The following JPH1 variants were observed in gnomAD, a reference collection of about 807,000 sequenced individuals.
The protein encoded by JPH1 is junctophilin-1.
JPH1 carries 12 observed loss-of-function variants against 53.6 expected under a neutral mutation model. The observed-to-expected ratio is 0.22, with a 90% CI of 0.14 to 0.36. JPH1 has a LOEUF of 0.36. Among genes scored for constraint, JPH1 ranks in the 10% least tolerant of loss-of-function variants. The pLI, the probability that JPH1 is intolerant of heterozygous loss-of-function variation, is 1.00. For synonymous variants in JPH1, 375 were observed against 363.8 expected, an observed-to-expected ratio of 1.03 and a Z score of -0.35; for missense variants, 808 against 905.5, an observed-to-expected ratio of 0.89 and a Z score of 1.38.
intron 2 of JPH1, among the ~76,000 whole-genome samples, chr8:74,285,252 T>TAC (rs1807129312): frequency 6.6e-6 from 1 of 152,110 alleles, no homozygotes; most frequent in South Asian, 2.1e-4. Flanking sequence ...CATACACACA[T>TAC]ACACACACAT....
At chr8:74,268,313 A>G (rs575266213) in intron 2 of JPH1, among the ~76,000 whole-genome samples, 2 of 152,296 alleles carry the variant, frequency 1.3e-5, no homozygotes, top group Admixed American at 6.5e-5. Flanking sequence ...ATAAGAATCT[A>G]TATGATTCTG....
chr8:74,280,045 A>G (rs2131418033), intron 2 of JPH1, among the ~76,000 whole-genome samples: 1 of 152,316 alleles, frequency 6.6e-6, no homozygotes, highest in Non-Finnish European at 1.5e-5. Flanking sequence ...GGAGAGGCAA[A>G]TATACCTTCT....
At chr8:74,308,926 T>C (rs964300055) in intron 2 of JPH1, among the ~76,000 whole-genome samples, 2 of 152,228 alleles carry the variant, frequency 1.3e-5, no homozygotes, top group African/African-American at 2.4e-5. Context: ...AAATGCAATA[T>C]ATCCTTTTTT....
At position 74,321,315 on chromosome 8, in the gene JPH1, G is replaced by A. The variant is rs779312179; in HGVS notation, c.-28C>T. ...GGGGGGCAGCCCCGGCGCGCTCCCCGCAGGGGCACGGACGCGGGCAGTGCT... is the reference window on the plus strand; with the variant it reads ...GGGGGGCAGCCCCGGCGCGCTCCCCACAGGGGCACGGACGCGGGCAGTGCT... On this transcript the variant is annotated 5_prime_UTR_variant, in exon 1 of 6. Transcript: ENST00000342232. This position sits in a 1 kb window ranked among gnomAD's most constrained non-coding sequence, Gnocchi z 4.3. 1.3e-6 allele frequency: 2 copies of A among 1,508,432 alleles called. No individual in the cohort carries two copies. Among genetic ancestry groups the A allele is most frequent in the Admixed American group, 2.1e-5 (1 of 47,662 alleles). 93.4% of individuals were successfully genotyped at this position (1,508,432 alleles called of 1,614,324 possible).
intron 4 of JPH1, 126 bp downstream of exon 4, chr8:74,244,403 A>C (rs1418877581): frequency 1.1e-5 from 12 of 1,045,736 alleles, no homozygotes; most frequent in African/African-American, 1.6e-5. Flanking sequence ...GTGCTGCTCT[A>C]AACAACCCTG....
At chr8:74,240,096 C>T (rs941513077) in intron 4 of JPH1, among the ~76,000 whole-genome samples, 1 of 152,058 alleles carries the variant, frequency 6.6e-6, no homozygotes, top group African/African-American at 2.4e-5. Context: ...CTCAGCCTCC[C>T]GAGTAGCTGG....
intron 3 of JPH1, among the ~76,000 whole-genome samples, chr8:74,250,212 C>A (rs1440302400): frequency 6.6e-6 from 1 of 151,410 alleles, no homozygotes; most frequent in African/African-American, 2.4e-5. Flanking sequence ...TGGCTCACTG[C>A]AACCTCTGCC....
intron 2 of JPH1, among the ~76,000 whole-genome samples, chr8:74,311,496 T>A (rs1263661240): frequency 6.6e-6 from 1 of 151,162 alleles, no homozygotes; most frequent in Non-Finnish European, 1.5e-5. Flanking sequence ...GAATCTTTTC[T>A]TATTTTTAAG....
intron 2 of JPH1, among the ~76,000 whole-genome samples, chr8:74,275,116 AG>A (rs1338362038): frequency 6.6e-6 from 1 of 152,200 alleles, no homozygotes; most frequent in Non-Finnish European, 1.5e-5. Flanking sequence ...TGGAATAAGC[AG>A]GAAAACCATC....
chr8:74,238,546 T>C (rs1037618875), intron 4 of JPH1, among the ~76,000 whole-genome samples: 1 of 152,232 alleles, frequency 6.6e-6, no homozygotes, highest in Non-Finnish European at 1.5e-5. Flanking sequence ...GGCCTTGTCT[T>C]ATTCACTGCT....
rs771640583 is a variant in JPH1, at chr8:74,245,206, A to G, written c.1259-31T>C. 1.9e-4 allele frequency: 285 copies of G among 1,535,788 alleles called. 1 individual carries two copies. Among genetic ancestry groups the G allele is most frequent in the Non-Finnish European group, 2.3e-4 (269 of 1,150,254 alleles). On this transcript the variant is annotated intron_variant, in intron 3 of 5. Coordinates refer to ENST00000342232, the MANE Select transcript of JPH1 (RefSeq NM_020647.4). ...CAAAAAAAAAAGAAAAAAGAAAAAAAGAAAGGAGGTATATATACATATATT... is the reference window on the plus strand; with the variant it reads ...CAAAAAAAAAAGAAAAAAGAAAAAAGGAAAGGAGGTATATATACATATATT...
chr8:74,303,735 C>T (rs1807750459), intron 2 of JPH1, among the ~76,000 whole-genome samples: 1 of 152,108 alleles, frequency 6.6e-6, no homozygotes, highest in African/African-American at 2.4e-5. Context: ...AGACGTGAGC[C>T]ACTGTGCCCA....
chr8:74,254,938 A>T (rs1406807648), intron 3 of JPH1, among the ~76,000 whole-genome samples: 2 of 152,202 alleles, frequency 1.3e-5, no homozygotes, highest in African/African-American at 4.8e-5. Context: ...ATGGGTAGGA[A>T]GAATCAATAT....
At chr8:74,254,384 G>C (rs187988245) in intron 3 of JPH1, among the ~76,000 whole-genome samples, 4 of 152,172 alleles carry the variant, frequency 2.6e-5, no homozygotes, top group Admixed American at 2.6e-4. Context: ...GGTATTGATG[G>C]GATGTATCTC....
intron 5 of JPH1, 85 bp downstream of exon 5, chr8:74,237,123 C>A: frequency 1.2e-6 from 1 of 853,896 alleles, no homozygotes; most frequent in East Asian, 2.5e-5. Context: ...GACAATACGT[C>A]ATTGTTAAAA....
rs554888599 is a variant in JPH1 at position 74,235,465 on chromosome 8, T to G, written c.*1586A>C. ...GCTAACCAGGGAATTGTGTGAACTG[T>G]CTCTTCTCCATTGAAAAGGTAGCTA... On this transcript the variant is annotated 3_prime_UTR_variant, in exon 6 of 6. Transcript: ENST00000342232. 4.6e-5 allele frequency: 7 copies of G among 151,506 alleles called. No homozygotes were observed. The highest frequency in any genetic ancestry group is 1.7e-4 in the African/African-American group (7 of 41,024). 9.4% of individuals were successfully genotyped at this position (151,506 alleles called of 1,614,324 possible).
intron 3 of JPH1, among the ~76,000 whole-genome samples, chr8:74,248,724 C>T (rs913435219): frequency 4.6e-5 from 7 of 152,178 alleles, no homozygotes; most frequent in African/African-American, 1.4e-4. Context: ...TAATATAATG[C>T]AGAAGACAGA....
intron 3 of JPH1, among the ~76,000 whole-genome samples, chr8:74,247,999 A>G (rs1805910634): frequency 6.6e-6 from 1 of 152,216 alleles, no homozygotes; most frequent in Non-Finnish European, 1.5e-5. Flanking sequence ...TGAACTTATG[A>G]AGCTAAATTT....
intron 2 of JPH1, among the ~76,000 whole-genome samples, chr8:74,299,491 C>G (rs537567129): frequency 6.6e-6 from 1 of 152,268 alleles, no homozygotes; most frequent in South Asian, 2.1e-4. Flanking sequence ...TCAAATAAGG[C>G]AAATGACGAG....
Sources: allele counts gnomAD v4.1 joint callset (sites outside exome capture counted in the v4.1 genomes callset), GRCh38; gene constraint gnomAD v4.1.1; non-coding constraint Gnocchi (gnomAD v3.1); transcripts MANE v1.5; gene names NCBI Gene and HGNC (gene_info 2026-07-23, HGNC 2026-07-21).